The following FAR2 variants were observed in gnomAD, a reference collection of about 807,000 sequenced individuals.
FAR2 encodes the protein fatty acyl-CoA reductase 2.
In FAR2, 19 loss-of-function variants were observed where a neutral mutation model predicts 56.0. The ratio of observed to expected loss-of-function variants is 0.34; its 90% CI spans 0.24 to 0.50. The LOEUF (loss-of-function observed/expected upper bound fraction) is 0.50, where lower values mean the gene tolerates loss of function less well. FAR2 is among the 20% of genes least tolerant of loss of function. FAR2 has a pLI of 0.98. For missense variants in FAR2, 508 were observed against 642.2 expected (o/e 0.79, Z 2.26); for synonymous variants, 219 against 218.8 (o/e 1.00, Z -0.01).
intron 1 of FAR2, among the ~76,000 whole-genome samples, chr12:29,158,423 A>T (rs758353934): frequency 6.6e-6 from 1 of 152,222 alleles, no homozygotes; most frequent in African/African-American, 2.4e-5. Flanking sequence ...CAAAGAATTA[A>T]TTTCCTTCAT....
At chr12:29,255,629 CT>C (rs1948305636) in intron 1 of FAR2, among the ~76,000 whole-genome samples, 1 of 150,070 alleles carries the variant, frequency 6.7e-6, no homozygotes, top group Non-Finnish European at 1.5e-5. Flanking sequence ...CTTTTTTTTT[CT>C]TTTTCTTTTT....
At chr12:29,290,559 T>G (rs1227572369) in intron 2 of FAR2, among the ~76,000 whole-genome samples, 2 of 152,218 alleles carry the variant, frequency 1.3e-5, no homozygotes, top group Admixed American at 1.3e-4. Flanking sequence ...CCCATATTTG[T>G]TGCAGTACTG....
intron 3 of FAR2, among the ~76,000 whole-genome samples, chr12:29,294,397 G>T (rs1401959765): frequency 6.6e-6 from 1 of 151,806 alleles, no homozygotes; most frequent in Non-Finnish European, 1.5e-5. Flanking sequence ...GCCCAAGTTG[G>T]AGTGCAATGG....
At chr12:29,222,167 C>T (rs546643872) in intron 1 of FAR2, among the ~76,000 whole-genome samples, 2 of 151,994 alleles carry the variant, frequency 1.3e-5, no homozygotes, top group South Asian at 2.1e-4. Flanking sequence ...CTTTTATGAT[C>T]GACCACTCTT....
chr12:29,276,756 AAAGAC>A (rs1472828804), intron 2 of FAR2, among the ~76,000 whole-genome samples: 1 of 152,092 alleles, frequency 6.6e-6, no homozygotes, highest in African/African-American at 2.4e-5. Context: ...AATTCAAAAT[AAAGAC>A]AAGACAGATA....
chr12:29,270,625 T>C lies in FAR2; in HGVS notation c.176T>C (p.Ile59Thr). The C allele has an allele frequency of 6.2e-7, 1 of 1,612,104 alleles. No homozygotes were observed. The highest frequency in any genetic ancestry group is 2.2e-5 in the East Asian group (1 of 44,826). Residue 59 changes from isoleucine (I) to threonine (T), a missense_variant, in exon 2 of 12, where the codon ATC becomes ACC. By Grantham distance (89) the Ile-to-Thr change is moderately conservative (BLOSUM62 -1). Transcript: ENST00000536681. ...ACACTGCAGCAGAGGGTTTTCCAGA[T>C]CCTAGACAGTAAGGTATGCCTTATA... ...GQTLQQRVFQ[I>T]LDSKLFEKVK... is the part of the protein sequence containing the mutation.
chr12:29,181,851 G>T (rs1949994928), intron 1 of FAR2, among the ~76,000 whole-genome samples: 1 of 152,150 alleles, frequency 6.6e-6, no homozygotes, highest in South Asian at 2.1e-4. Flanking sequence ...AAACACAAAA[G>T]AAAATAAAAG....
chr12:29,225,080 A>G (rs1296973518), intron 1 of FAR2, among the ~76,000 whole-genome samples: 3 of 152,218 alleles, frequency 2.0e-5, no homozygotes, highest in South Asian at 2.1e-4. Context: ...TGCAAAAAGT[A>G]AAAGAATTAG....
intron 1 of FAR2, among the ~76,000 whole-genome samples, chr12:29,260,942 T>C (rs962341465): frequency 3.9e-5 from 6 of 152,162 alleles, no homozygotes; most frequent in Non-Finnish European, 7.4e-5. Context: ...TTTGGGGTAC[T>C]CCCTAATGCA....
In FAR2 at chr12:29,241,917, C is replaced by G. The variant is rs116916795; in HGVS notation, c.-38-28495C>G. Among the ~76,000 whole-genome samples the G allele has an allele frequency of 5.8e-3, 877 of 152,328 alleles. 5 individuals are homozygous for G. Among genetic ancestry groups the G allele is most frequent in the Non-Finnish European group, 9.3e-3 (631 of 68,032 alleles). On this transcript the variant is annotated intron_variant, in intron 1 of 11. Transcript: ENST00000536681. ...CATCGAAGCTGTGAACAAATCCCCC[C>G]TTTCCTCACTAGAGTCTCTACAGAG...
intron 1 of FAR2, among the ~76,000 whole-genome samples, chr12:29,270,131 T>A (rs1208419447): frequency 2.0e-5 from 3 of 152,232 alleles, no homozygotes; most frequent in Non-Finnish European, 4.4e-5. Context: ...GTCTCTTTAT[T>A]GTCTGCCTCC....
intron 9 of FAR2, among the ~76,000 whole-genome samples, chr12:29,318,198 A>G (rs1949487413): frequency 6.6e-6 from 1 of 152,244 alleles, no homozygotes; most frequent in African/African-American, 2.4e-5. Context: ...GCAAATGACT[A>G]AAACTTAGCC....
intron 1 of FAR2, among the ~76,000 whole-genome samples, chr12:29,158,556 G>A (rs1949751932): frequency 6.6e-6 from 1 of 152,214 alleles, no homozygotes; most frequent in Non-Finnish European, 1.5e-5. Flanking sequence ...CCTGCCGGAG[G>A]CAATGGTTAT....
intron 1 of FAR2, among the ~76,000 whole-genome samples, chr12:29,259,404 T>G (rs1458077689): frequency 6.6e-6 from 1 of 152,202 alleles, no homozygotes; most frequent in East Asian, 1.9e-4. Flanking sequence ...GAAAATCATC[T>G]TGTTTCTTTT....
chr12:29,294,184 T>A (rs1254065439), intron 3 of FAR2, among the ~76,000 whole-genome samples: 1 of 152,184 alleles, frequency 6.6e-6, no homozygotes. Flanking sequence ...TGGTAGCACA[T>A]GTTCTGATTT....
chr12:29,235,244 A>G (rs1334382125), intron 1 of FAR2, among the ~76,000 whole-genome samples: 1 of 152,182 alleles, frequency 6.6e-6, no homozygotes, highest in African/African-American at 2.4e-5. Flanking sequence ...GTTCATAGAA[A>G]AACTGGGTAT....
chr12:29,205,210 C>CAA (rs1947465532), intron 1 of FAR2, among the ~76,000 whole-genome samples: 1 of 152,196 alleles, frequency 6.6e-6, no homozygotes, highest in Non-Finnish European at 1.5e-5. Flanking sequence ...CAAGTTTATG[C>CAA]ATTTTACTGT....
intron 2 of FAR2, among the ~76,000 whole-genome samples, chr12:29,290,512 A>T (rs1267324023): frequency 1.3e-5 from 2 of 152,164 alleles, no homozygotes; most frequent in African/African-American, 4.8e-5. Flanking sequence ...TATACCCAAC[A>T]AAAAGGAAAT....
intron 4 of FAR2, among the ~76,000 whole-genome samples, chr12:29,299,194 C>T (rs1187166374): frequency 1.1e-4 from 8 of 74,110 alleles, no homozygotes; most frequent in Admixed American, 1.9e-4. Flanking sequence ...GCCTGGTCAA[C>T]AAGAGCAAAA....
Sources: gnomAD v4.1 joint callset for allele counts (sites outside exome capture counted in the v4.1 genomes callset) on GRCh38, gnomAD v4.1.1 for gene constraint, MANE v1.5 for transcripts, NCBI Gene and HGNC (gene_info 2026-07-23, HGNC 2026-07-21) for gene names.